The following CGNL1 variants were observed in gnomAD, a reference collection of about 807,000 sequenced individuals.
CGNL1 encodes cingulin like 1, also known as cingulin-like protein 1.
Under a neutral mutation model 141.2 loss-of-function variants are expected in CGNL1, and 132 were observed. The observed-to-expected ratio is 0.93, with a 90% confidence interval of 0.81 to 1.08. CGNL1 has a LOEUF of 1.08. Among genes scored for constraint, CGNL1 ranks in the 50% least tolerant of loss-of-function variants. The pLI is 0.00. For missense variants in CGNL1, 1,870 were observed against 1,588.6 expected (o/e 1.18, Z -3.01); for synonymous variants, 690 against 622.1 (o/e 1.11, Z -1.63).
In CGNL1 at chr15:57,548,003, C is replaced by CTT. The variant is rs35382198; in HGVS notation, c.*527_*528dup. On this transcript the variant is annotated 3_prime_UTR_variant, in exon 19 of 19. Transcript: ENST00000281282. The stretch of plus-strand genomic sequence containing the variant: ...AGTTCATGCATCTATATTGAGTATT[C>CTT]TTTTTTTTTTTTTTTGAGATGGAGT... 24,038 of 138,852 alleles carry CTT rather than the reference C, an allele frequency of 0.17. 2,166 individuals are homozygous for CTT. The highest frequency in any genetic ancestry group is 0.2 in the Admixed American group (2,826 of 13,850). 8.6% of individuals were successfully genotyped at this position (138,852 alleles called of 1,614,324 possible). A position where few individuals can be genotyped will look rare whatever the true frequency, so the allele number is the denominator to read the frequency against.
At chr15:57,378,545 C>A (rs1255840070) in intron 1 of CGNL1, among the ~76,000 whole-genome samples, 1 of 151,850 alleles carries the variant, frequency 6.6e-6, no homozygotes, top group Non-Finnish European at 1.5e-5. Flanking sequence ...CCATGCTCGG[C>A]TACTTTTTTG....
chr15:57,519,867 C>G (rs7166915), intron 10 of CGNL1, among the ~76,000 whole-genome samples: 1 of 152,002 alleles, frequency 6.6e-6, no homozygotes, highest in African/African-American at 2.4e-5. Context: ...CTCTCAGAAC[C>G]TTTCCTTTGG....
In CGNL1 at chr15:57,496,440, G is replaced by A. The variant is rs117204579; in HGVS notation, c.2404-20340G>A. ...TGCGAGGGATCTAGGTTGCATTCTC[G>A]TTATGAGAATCTGTAGTAACTAATG... On this transcript the variant is annotated intron_variant, in intron 8 of 18. Transcript: ENST00000281282. Among the ~76,000 whole-genome samples the A allele has an allele frequency of 4.8e-3, 724 of 152,188 alleles. 6 individuals are homozygous for A. Among genetic ancestry groups the A allele is most frequent in the Non-Finnish European group, 8.2e-3 (557 of 68,008 alleles).
intron 8 of CGNL1, among the ~76,000 whole-genome samples, chr15:57,480,383 G>C (rs1222080655): frequency 1.4e-5 from 2 of 147,780 alleles, no homozygotes; most frequent in East Asian, 4.1e-4. Flanking sequence ...TGTTGGGTGT[G>C]GTGGTGTACA....
At chr15:57,397,094 C>T (rs1229752069) in intron 1 of CGNL1, 1 of 152,154 alleles carries the variant, frequency 6.6e-6, no homozygotes, top group African/African-American at 2.4e-5. Flanking sequence ...TGGGATATGG[C>T]TTCTTCGGGA....
chr15:57,503,532 A>G (rs1370713566), intron 8 of CGNL1, among the ~76,000 whole-genome samples: 1 of 152,156 alleles, frequency 6.6e-6, no homozygotes, highest in South Asian at 2.1e-4. Context: ...CAGGTGTTGC[A>G]GCTTCATCAG....
In CGNL1 at chr15:57,545,688, T is replaced by G. The variant is rs908959451; in HGVS notation, c.3597T>G (p.Asp1199Glu). The change falls in exon 17 of 19, where the codon GAT becomes GAG. Residue 1199 changes from aspartate to glutamate, a missense_variant. Coordinates refer to ENST00000281282, the MANE Select transcript of CGNL1 (RefSeq NM_032866.5). ...QVDDEHLSLT[D>E]QKDQLSLRLK... is the part of the protein sequence containing the mutation. ...ATGATGAGCACCTGTCATTGACTGA[T>G]CAGAAGGACCAGGTGGGGAGCCTCT... 1.2e-6 allele frequency: 2 copies of G among 1,612,694 alleles called. No individual in the cohort carries two copies. Among genetic ancestry groups the G allele is most frequent in the South Asian group, 2.2e-5 (2 of 90,668 alleles).
intron 8 of CGNL1, among the ~76,000 whole-genome samples, chr15:57,510,330 A>G (rs2030168023): frequency 6.6e-6 from 1 of 152,274 alleles, no homozygotes; most frequent in Non-Finnish European, 1.5e-5. Flanking sequence ...CTGTGAGGCC[A>G]GGTCCAGTGG....
intron 4 of CGNL1, among the ~76,000 whole-genome samples, chr15:57,445,651 A>G (rs1280403): frequency 0.98 from 149,545 of 152,316 alleles, 73,449 homozygotes; most frequent in Non-Finnish European, 1. Flanking sequence ...GTTTCTAATC[A>G]TCTTCACAGG....
chr15:57,532,718 A>G (rs1690337), intron 14 of CGNL1, among the ~76,000 whole-genome samples: 126,452 of 152,220 alleles, frequency 0.83, 52,643 homozygotes, highest in African/African-American at 0.84. Context: ...AAAAGGCTGC[A>G]TCGTAGAGCC....
At chr15:57,478,680 C>T (rs1159754249) in intron 8 of CGNL1, among the ~76,000 whole-genome samples, 4 of 152,156 alleles carry the variant, frequency 2.6e-5, no homozygotes, top group Admixed American at 1.3e-4. Context: ...GCACTGTCAC[C>T]CAGGCTGTAG....
chr15:57,487,155 A>G (rs1195937279), intron 8 of CGNL1, among the ~76,000 whole-genome samples: 1 of 152,186 alleles, frequency 6.6e-6, no homozygotes, highest in Admixed American at 6.5e-5. Context: ...AGTTTATTGT[A>G]TGTGTGCATT....
intron 4 of CGNL1, among the ~76,000 whole-genome samples, chr15:57,447,292 C>T (rs892975086): frequency 3.3e-5 from 5 of 152,212 alleles, no homozygotes; most frequent in African/African-American, 7.2e-5. Flanking sequence ...GTTTCCATCT[C>T]GGACTGGTTT....
At position 57,549,664 on chromosome 15, in the gene CGNL1, C is replaced by G. The variant is rs575285933; in HGVS notation, c.*2174C>G. On this transcript the variant is annotated 3_prime_UTR_variant, in exon 19 of 19. Coordinates refer to ENST00000281282, the MANE Select transcript of CGNL1 (RefSeq NM_032866.5). Reference sequence around the variant, plus strand: ...GGCACAGTCCTTGGCACACAGAATACAGCAGTGAATTAAACAGGCAAAAAT... The same window carrying G: ...GGCACAGTCCTTGGCACACAGAATAGAGCAGTGAATTAAACAGGCAAAAAT... 2 of 152,180 alleles carry G rather than the reference C, an allele frequency of 1.3e-5. No homozygotes were observed. The highest frequency in any genetic ancestry group is 4.8e-5 in the African/African-American group (2 of 41,428). 9.4% of individuals were successfully genotyped at this position (152,180 alleles called of 1,614,324 possible).
chr15:57,516,248 A>G (rs1204907519), intron 8 of CGNL1, among the ~76,000 whole-genome samples: 1 of 151,782 alleles, frequency 6.6e-6, no homozygotes, highest in Non-Finnish European at 1.5e-5. Context: ...AGCGAGGGTT[A>G]TGAGGACAGG....
At chr15:57,389,962 C>T (rs555815661) in intron 1 of CGNL1, among the ~76,000 whole-genome samples, 15 of 152,224 alleles carry the variant, frequency 9.9e-5, no homozygotes, top group African/African-American at 3.1e-4. Context: ...ATTACAGGCA[C>T]GTGCCACCAC....
intron 1 of CGNL1, among the ~76,000 whole-genome samples, chr15:57,383,622 TTTTCTTTTC>T (rs778842301): frequency 0.037 from 2,708 of 73,024 alleles, 67 homozygotes; most frequent in African/African-American, 0.14. Flanking sequence ...TTTTCTTTTC[TTTTCTTTTC>T]TTTTTTTTTT....
chr15:57,468,369 G>A (rs2063537663), intron 8 of CGNL1, among the ~76,000 whole-genome samples: 2 of 149,914 alleles, frequency 1.3e-5, no homozygotes, highest in African/African-American at 4.9e-5. Context: ...GCCTCCCAAG[G>A]AACTAGGACT....
intron 8 of CGNL1, among the ~76,000 whole-genome samples, chr15:57,499,749 T>G (rs1290858848): frequency 6.6e-6 from 1 of 152,230 alleles, no homozygotes; most frequent in Admixed American, 6.5e-5. Context: ...TTTTGGGTAC[T>G]TTCCACAGAT....
Sources: allele counts gnomAD v4.1 joint callset (sites outside exome capture counted in the v4.1 genomes callset), GRCh38; gene constraint gnomAD v4.1.1; transcripts MANE v1.5; gene names NCBI Gene and HGNC (gene_info 2026-07-23, HGNC 2026-07-21).